Variants in AJAP1 observed in about 807,000 individuals in gnomAD.
AJAP1 encodes adherens junctions associated protein 1, also known as adherens junction-associated protein 1.
Under a neutral mutation model 35.0 loss-of-function variants are expected in AJAP1, and 5 were observed. The observed-to-expected ratio is 0.14, with a 90% CI of 0.07 to 0.30. The LOEUF (loss-of-function observed/expected upper bound fraction) is 0.30. Among genes scored for constraint, AJAP1 ranks in the 10% least tolerant of loss-of-function variants. AJAP1 has a pLI of 1.00. For missense variants in AJAP1, 586 were observed against 571.0 expected (o/e 1.03, Z -0.27); for synonymous variants, 284 against 249.3 (o/e 1.14, Z -1.31).
At position 4,792,289 on chromosome 1, in the gene AJAP1, A is replaced by G. The variant is rs1255129227; in HGVS notation, c.*9804A>G. On this transcript the variant is annotated 3_prime_UTR_variant, in exon 6 of 6. Coordinates refer to ENST00000378191, the MANE Select transcript of AJAP1 (RefSeq NM_018836.4). ...TTGTGTTTCTTTTCTTTAAATGCAT[A>G]TCATAATCATGTTAATAAACAAAAA... is the stretch of plus-strand genomic sequence containing the variant. 1.4e-5 allele frequency: 2 copies of G among 141,574 alleles called. No homozygotes were observed. Among genetic ancestry groups the G allele is most frequent in the African/African-American group, 5.3e-5 (2 of 37,932 alleles). 8.8% of individuals were successfully genotyped at this position (141,574 alleles called of 1,614,324 possible).
At chr1:4,657,186 C>G (rs1638901158) in intron 1 of AJAP1, among the ~76,000 whole-genome samples, 1 of 152,160 alleles carries the variant, frequency 6.6e-6, no homozygotes, top group African/African-American at 2.4e-5. Flanking sequence ...TGGAAAGAAG[C>G]CTCTCTTTTG....
At chr1:4,679,880 T>C (rs1639447177) in intron 1 of AJAP1, among the ~76,000 whole-genome samples, 1 of 150,742 alleles carries the variant, frequency 6.6e-6, no homozygotes. Flanking sequence ...AGGAGTTGGC[T>C]CACATGATCA....
At chr1:4,732,218 C>T (rs559365683) in intron 2 of AJAP1, among the ~76,000 whole-genome samples, 1 of 152,388 alleles carries the variant, frequency 6.6e-6, no homozygotes, top group African/African-American at 2.4e-5. Flanking sequence ...TTTCCCTTCC[C>T]TAGAAGAGAC....
chr1:4,781,486 C>T (rs1014868479), intron 5 of AJAP1, among the ~76,000 whole-genome samples: 1 of 152,256 alleles, frequency 6.6e-6, no homozygotes, highest in Non-Finnish European at 1.5e-5. Context: ...GCTATGCATG[C>T]AGCTGCTGGA....
At chr1:4,757,053 A>G (rs996671226) in intron 2 of AJAP1, among the ~76,000 whole-genome samples, 5 of 152,112 alleles carry the variant, frequency 3.3e-5, no homozygotes, top group Admixed American at 3.3e-4. Flanking sequence ...AGGCTCACAC[A>G]TGAGTCGTTG....
intron 5 of AJAP1, among the ~76,000 whole-genome samples, chr1:4,781,387 C>T (rs1160671104): frequency 6.6e-6 from 1 of 152,202 alleles, no homozygotes; most frequent in African/African-American, 2.4e-5. Context: ...ACCCCGAGAC[C>T]CTGATTCCAG....
intron 2 of AJAP1, among the ~76,000 whole-genome samples, chr1:4,754,250 C>T (rs1641379255): frequency 1.3e-5 from 2 of 152,320 alleles, no homozygotes; most frequent in Non-Finnish European, 2.9e-5. Context: ...CTTCCTGGCA[C>T]ATAGCACACT....
At chr1:4,694,237 C>T (rs369123370) in intron 1 of AJAP1, among the ~76,000 whole-genome samples, 5 of 152,302 alleles carry the variant, frequency 3.3e-5, no homozygotes, top group South Asian at 4.1e-4. Flanking sequence ...GGCCCCTAAA[C>T]GATCAGATGT....
At position 4,674,652 on chromosome 1, in the gene AJAP1, C is replaced by T. The variant is rs1284707941; in HGVS notation, c.29+19198C>T. On this transcript the variant is annotated intron_variant, in intron 1 of 5. Coordinates refer to ENST00000378191, the MANE Select transcript of AJAP1 (RefSeq NM_018836.4). ...AGGCCTTCAGGAGTGGCTGGTGCTG[C>T]GGCTGTCAGCTGCTGGTCTTGGGGC... Among the ~76,000 whole-genome samples the T allele has an allele frequency of 3.3e-5, 5 of 152,236 alleles. No individual in the cohort carries two copies. The East Asian group carries it at 7.8e-4, about 24-fold the overall frequency.
chr1:4,743,361 G>A (rs1041104137), intron 2 of AJAP1, among the ~76,000 whole-genome samples: 15 of 152,158 alleles, frequency 9.9e-5, no homozygotes, highest in African/African-American at 3.4e-4. Flanking sequence ...GCCAGGGAAG[G>A]AGGGCAGAAA....
chr1:4,673,388 C>A (rs1326513334), intron 1 of AJAP1, among the ~76,000 whole-genome samples: 1 of 152,204 alleles, frequency 6.6e-6, no homozygotes, highest in Non-Finnish European at 1.5e-5. Flanking sequence ...CCCTCCCCTG[C>A]CCTTCATCCC....
intron 2 of AJAP1, among the ~76,000 whole-genome samples, chr1:4,738,772 C>T (rs1324497488): frequency 6.6e-6 from 1 of 152,098 alleles, no homozygotes; most frequent in African/African-American, 2.4e-5. Context: ...GATTCCACTC[C>T]AGGGGGAAAT....
intron 1 of AJAP1, among the ~76,000 whole-genome samples, chr1:4,703,472 A>G (rs1297517163): frequency 1.3e-5 from 2 of 152,160 alleles, no homozygotes; most frequent in East Asian, 1.9e-4. Context: ...ATGGAAGTCT[A>G]TCTGCTTTGG....
intron 1 of AJAP1, among the ~76,000 whole-genome samples, chr1:4,689,757 C>T (rs907379529): frequency 1.3e-5 from 2 of 152,244 alleles, no homozygotes; most frequent in African/African-American, 4.8e-5. Context: ...AAGCTCCCAG[C>T]ACAGCTGAGC....
intron 2 of AJAP1, among the ~76,000 whole-genome samples, chr1:4,762,331 C>A (rs1432581774): frequency 6.6e-6 from 1 of 152,120 alleles, no homozygotes; most frequent in African/African-American, 2.4e-5. Context: ...TCTTTTTTGC[C>A]TGGGGGCCTT....
At chr1:4,730,733 C>A (rs1463669222) in intron 2 of AJAP1, among the ~76,000 whole-genome samples, 2 of 152,152 alleles carry the variant, frequency 1.3e-5, no homozygotes, top group East Asian at 3.9e-4. Context: ...CACATCTGGG[C>A]CCTGCCTGGG....
chr1:4,740,602 G>A (rs946321362), intron 2 of AJAP1, among the ~76,000 whole-genome samples: 3 of 151,726 alleles, frequency 2.0e-5, no homozygotes, highest in East Asian at 2.0e-4. Context: ...TGGCTAACAT[G>A]GTGAAACCCC....
chr1:4,666,163 C>T (rs1465449471), intron 1 of AJAP1, among the ~76,000 whole-genome samples: 2 of 149,154 alleles, frequency 1.3e-5, no homozygotes, highest in East Asian at 4.1e-4. Flanking sequence ...AGGAGGGGCA[C>T]CCCGCAGTGA....
Position 4,769,922 on chromosome 1 carries a change from C to T in AJAP1, c.899C>T (p.Thr300Ile), listed in dbSNP as rs1641797381. Residue 300 changes from threonine (T) to isoleucine (I), a missense_variant, in exon 3 of 6, where the codon ACT becomes ATT. By Grantham distance (89) the Thr-to-Ile change is moderately conservative (BLOSUM62 -1). Transcript: ENST00000378191. Reference protein sequence around the residue: ...LIMVIAALITTLVLKNCCAQS... With the variant: ...LIMVIAALITILVLKNCCAQS... Reference sequence around the variant, plus strand: ...ATGGTCATAGCTGCTCTCATCACAACTCTTGTCTTAAAAAATTGGTAAGGC... The same window carrying T: ...ATGGTCATAGCTGCTCTCATCACAATTCTTGTCTTAAAAAATTGGTAAGGC... The T allele has an allele frequency of 6.2e-7, 1 of 1,613,954 alleles. No homozygotes were observed. The highest frequency in any genetic ancestry group is 1.1e-5 in the South Asian group (1 of 91,072).
Sources: gnomAD v4.1 joint callset for allele counts (sites outside exome capture counted in the v4.1 genomes callset) on GRCh38, gnomAD v4.1.1 for gene constraint, MANE v1.5 for transcripts, NCBI Gene and HGNC (gene_info 2026-07-23, HGNC 2026-07-21) for gene names.